CCDC60: variants seen among roughly 807,000 people sequenced by gnomAD.
The protein encoded by CCDC60 is coiled-coil domain-containing protein 60.
A neutral mutation model predicts 63.5 loss-of-function variants in CCDC60; 54 were observed. The observed-to-expected ratio is 0.85, with a 90% CI of 0.68 to 1.07. The LOEUF (loss-of-function observed/expected upper bound fraction) is 1.07. Among genes scored for constraint, CCDC60 ranks in the 50% least tolerant of loss-of-function variants. The pLI, the probability that CCDC60 is intolerant of heterozygous loss-of-function variation, is 0.00. For missense variants in CCDC60, 651 were observed against 684.3 expected, an observed-to-expected ratio of 0.95 and a Z score of 0.54; for synonymous variants, 206 against 238.8, an observed-to-expected ratio of 0.86 and a Z score of 1.27.
intron 1 of CCDC60, among the ~76,000 whole-genome samples, chr12:119,426,610 C>T (rs12297032): frequency 0.072 from 11,025 of 152,190 alleles, 405 homozygotes; most frequent in East Asian, 0.096. Context: ...CCTCCCGCCT[C>T]AACCTCCCAA....
chr12:119,487,357 G>T (rs1175403111), intron 4 of CCDC60, among the ~76,000 whole-genome samples: 1 of 151,616 alleles, frequency 6.6e-6, no homozygotes, highest in Non-Finnish European at 1.5e-5. Context: ...GAGTGCAGTG[G>T]CATGATCTCG....
chr12:119,456,578 C>T lies in CCDC60; in HGVS notation c.171-15416C>T, dbSNP rs866389259. Among the ~76,000 whole-genome samples the T allele has an allele frequency of 3.2e-4, 48 of 152,124 alleles. No homozygotes were observed. Among genetic ancestry groups the T allele is most frequent in the African/African-American group, 1.1e-3 (44 of 41,436 alleles). ...ATCTTGCACAAGAAAGAATTCAGGG[C>T]AAGTCCATAGCATAAAGTGAAAGCA... is the stretch of plus-strand genomic sequence containing the variant. On this transcript the variant is annotated intron_variant, in intron 2 of 13. Coordinates refer to ENST00000327554, the MANE Select transcript of CCDC60 (RefSeq NM_178499.5). This position sits in a 1 kb window ranked among gnomAD's most constrained non-coding sequence, Gnocchi z 4.6.
At chr12:119,519,267 A>G (rs1952431932) in intron 8 of CCDC60, among the ~76,000 whole-genome samples, 1 of 152,018 alleles carries the variant, frequency 6.6e-6, no homozygotes, top group Non-Finnish European at 1.5e-5. Context: ...ATCTGAAAAT[A>G]CAGCTTTTCT....
intron 3 of CCDC60, among the ~76,000 whole-genome samples, chr12:119,476,520 A>C (rs1951181547): frequency 6.6e-6 from 1 of 152,186 alleles, no homozygotes; most frequent in Admixed American, 6.5e-5. Context: ...AATTATCCTC[A>C]AATTCCCAGG....
At chr12:119,391,790 C>T (rs1956164582) in intron 1 of CCDC60, among the ~76,000 whole-genome samples, 1 of 152,154 alleles carries the variant, frequency 6.6e-6, no homozygotes, top group South Asian at 2.1e-4. Context: ...AGCAAAGGTC[C>T]AGTATCTTTT....
intron 7 of CCDC60, among the ~76,000 whole-genome samples, chr12:119,509,647 G>A (rs1329885739): frequency 4.8e-5 from 6 of 125,736 alleles, no homozygotes; most frequent in African/African-American, 1.1e-4. Context: ...TCTTTAGAAT[G>A]ATGATGATGA....
intron 1 of CCDC60, among the ~76,000 whole-genome samples, chr12:119,387,059 C>A (rs1176643786): frequency 6.6e-6 from 1 of 151,246 alleles, no homozygotes; most frequent in Non-Finnish European, 1.5e-5. Context: ...CACACACACA[C>A]ACACACACAC....
chr12:119,518,241 T>G (rs560961331), intron 8 of CCDC60, among the ~76,000 whole-genome samples: 1 of 152,280 alleles, frequency 6.6e-6, no homozygotes, highest in Admixed American at 6.5e-5. Context: ...TAATGAAGCA[T>G]CAGCTCAATG....
chr12:119,347,010 A>G (rs1955604603), intron 1 of CCDC60, among the ~76,000 whole-genome samples: 1 of 151,882 alleles, frequency 6.6e-6, no homozygotes, highest in African/African-American at 2.4e-5. Flanking sequence ...TTTTTAATAG[A>G]GATGGGGTTT....
chr12:119,444,471 C>A (rs2136268411), intron 2 of CCDC60, among the ~76,000 whole-genome samples: 1 of 152,310 alleles, frequency 6.6e-6, no homozygotes. Flanking sequence ...ATTCAAGTCT[C>A]GCTTCTTTTA....
chr12:119,519,853 AGAGT>A (rs777930651), intron 8 of CCDC60, among the ~76,000 whole-genome samples: 3 of 135,228 alleles, frequency 2.2e-5, no homozygotes, highest in East Asian at 2.4e-4. Flanking sequence ...AGAGAGAGAG[AGAGT>A]GTGTGTGTGT....
Position 119,509,373 on chromosome 12 carries a change from G to A in CCDC60, c.883+4070G>A, listed in dbSNP as rs373776886. Among the ~76,000 whole-genome samples the A allele has an allele frequency of 2.0e-5, 3 of 152,204 alleles. No homozygotes were observed. The East Asian group carries it at 5.8e-4, about 29-fold the overall frequency. ...TAATCCTGGCACTTTGAGAGGTCAAGACAGGAGGACCACTTGAGGCCAGGA... is the reference window on the plus strand; with the variant it reads ...TAATCCTGGCACTTTGAGAGGTCAAAACAGGAGGACCACTTGAGGCCAGGA... On this transcript the variant is annotated intron_variant, in intron 7 of 13. Transcript: ENST00000327554.
chr12:119,486,814 T>C (rs754228585), intron 4 of CCDC60, among the ~76,000 whole-genome samples: 2 of 151,596 alleles, frequency 1.3e-5, no homozygotes, highest in Non-Finnish European at 2.9e-5. Context: ...AGCCCAGGGA[T>C]TGGGTATCAC....
intron 2 of CCDC60, among the ~76,000 whole-genome samples, chr12:119,463,722 C>A (rs1382092592): frequency 6.6e-6 from 1 of 152,266 alleles, no homozygotes; most frequent in Non-Finnish European, 1.5e-5. Context: ...ACTGGAAACA[C>A]TTGAGAAGTC....
chr12:119,470,741 A>G (rs757354939), intron 2 of CCDC60, among the ~76,000 whole-genome samples: 31 of 152,130 alleles, frequency 2.0e-4, no homozygotes, highest in Non-Finnish European at 1.8e-4. Flanking sequence ...AGAGGTCTTC[A>G]GCCTCCCCCT....
intron 1 of CCDC60, among the ~76,000 whole-genome samples, chr12:119,388,670 C>A (rs755414174): frequency 6.6e-6 from 1 of 152,144 alleles, no homozygotes; most frequent in Admixed American, 6.5e-5. Flanking sequence ...ATATGTACAT[C>A]TTGGAAACAC....
At chr12:119,432,352 A>G (rs1950244071) in intron 2 of CCDC60, among the ~76,000 whole-genome samples, 1 of 152,250 alleles carries the variant, frequency 6.6e-6, no homozygotes, top group Non-Finnish European at 1.5e-5. Flanking sequence ...GAGATGTTCC[A>G]GGCTTCACAA....
chr12:119,488,351 T>C (rs1480187150), intron 4 of CCDC60, among the ~76,000 whole-genome samples: 2 of 152,220 alleles, frequency 1.3e-5, no homozygotes, highest in Admixed American at 6.5e-5. Flanking sequence ...CAATTGGACA[T>C]ACATAGGATG....
At chr12:119,377,324 G>A (rs12306535) in intron 1 of CCDC60, among the ~76,000 whole-genome samples, 6 of 150,026 alleles carry the variant, frequency 4.0e-5, no homozygotes, top group African/African-American at 1.2e-4. Flanking sequence ...CTCAAGAGAC[G>A]GAGAAGTAAA....
Sources: allele counts gnomAD v4.1 joint callset (sites outside exome capture counted in the v4.1 genomes callset), GRCh38; gene constraint gnomAD v4.1.1; non-coding constraint Gnocchi (gnomAD v3.1); transcripts MANE v1.5; gene names NCBI Gene and HGNC (gene_info 2026-07-23, HGNC 2026-07-21).